Variants in SPATA18 observed in about 807,000 individuals in gnomAD.
The protein encoded by SPATA18 is spermatogenesis associated 18, also known as mitochondria-eating protein.
SPATA18 carries 54 observed loss-of-function variants against 68.1 expected under a neutral mutation model. That is an observed-to-expected ratio of 0.79 (90% CI 0.64 to 0.99). The LOEUF is 0.99. SPATA18 is among the 50% of genes least tolerant of loss of function. The pLI is 0.00. For missense variants in SPATA18, 724 were observed against 681.1 expected, an observed-to-expected ratio of 1.06 and a Z score of -0.70; for synonymous variants, 242 against 244.8, an observed-to-expected ratio of 0.99 and a Z score of 0.11.
Position 52,085,054 on chromosome 4 carries a change from T to G in SPATA18, c.1563+55T>G, listed in dbSNP as rs895124377. The G allele has an allele frequency of 9.0e-6, 13 of 1,445,444 alleles. No individual in the cohort carries two copies. The Admixed American group carries it at 1.5e-4, about 17-fold the overall frequency. The allele number at this position is 1,445,444 out of a possible 1,614,324, so 89.5% of individuals were successfully genotyped here. A position where few individuals can be genotyped will look rare whatever the true frequency, so the allele number is the denominator to read the frequency against. ...AAATTCATCTATGGTTGGCTTTTTTTTTTTTTTGCTTCAGCAATACAAAAG... is the reference window on the plus strand; with the variant it reads ...AAATTCATCTATGGTTGGCTTTTTTGTTTTTTTGCTTCAGCAATACAAAAG... On this transcript the variant is annotated intron_variant, in intron 11 of 12. Coordinates refer to ENST00000295213, the MANE Select transcript of SPATA18 (RefSeq NM_145263.4).
At chr4:52,073,417 C>T (rs1047997642) in intron 6 of SPATA18, among the ~76,000 whole-genome samples, 75 of 152,224 alleles carry the variant, frequency 4.9e-4, no homozygotes, top group African/African-American at 1.8e-3. Context: ...CAGTAGTTTA[C>T]AATATACCCA....
intron 4 of SPATA18, among the ~76,000 whole-genome samples, chr4:52,069,279 A>T (rs12500231): frequency 0.43 from 65,841 of 152,080 alleles, 16,871 homozygotes; most frequent in Non-Finnish European, 0.57. Context: ...AAACTCAGAG[A>T]ATTTGTGCTC....
Position 52,079,834 on chromosome 4 carries a change from T to C in SPATA18, c.1270T>C (p.Cys424Arg), listed in dbSNP as rs1578187049. Reference protein sequence around the residue: ...CLLSDFIQEICCIAFAMQALE... With the variant: ...CLLSDFIQEIRCIAFAMQALE... ...TCTCAGTGACTTCATCCAGGAGATA[T>C]GTTGCATTGCCTTTGCAATGCAGGC... The change falls in exon 9 of 13, where the codon TGT becomes CGT. Residue 424 changes from cysteine (C) to arginine (R), a missense_variant. By Grantham distance (180) the Cys-to-Arg change is radical. Transcript: ENST00000295213. The C allele has an allele frequency of 2.5e-6, 4 of 1,614,124 alleles. No homozygotes were observed. Among genetic ancestry groups the C allele is most frequent in the Non-Finnish European group, 3.4e-6 (4 of 1,179,958 alleles).
At chr4:52,075,136 G>T (rs1316739139) in intron 6 of SPATA18, among the ~76,000 whole-genome samples, 1 of 152,136 alleles carries the variant, frequency 6.6e-6, no homozygotes, top group African/African-American at 2.4e-5. Flanking sequence ...GGAGGGAGGG[G>T]CACTCATTTT....
At chr4:52,094,021 A>G (rs1742205753) in intron 11 of SPATA18, among the ~76,000 whole-genome samples, 1 of 152,162 alleles carries the variant, frequency 6.6e-6, no homozygotes, top group East Asian at 1.9e-4. Flanking sequence ...GAGTGTTTGA[A>G]AGCTCAGAGC....
chr4:52,089,436 A>C (rs1467978862), intron 11 of SPATA18, among the ~76,000 whole-genome samples: 1 of 152,172 alleles, frequency 6.6e-6, no homozygotes. Context: ...CTATAAATTT[A>C]TCTCTAAACA....
rs142277719 is a variant in SPATA18 at position 52,077,031 on chromosome 4, C to T, written c.1011C>T (p.Ile337=). Residue 337 remains isoleucine, a synonymous_variant, in exon 7 of 13, where the codon ATC becomes ATT. Coordinates refer to ENST00000295213, the MANE Select transcript of SPATA18 (RefSeq NM_145263.4). The stretch of plus-strand genomic sequence containing the variant: ...AGACCGTTCAGCGGATCATCTACAT[C>T]GCCACAGTGGTATGTGACGCCTGCG... ...KAETVQRIIY[I]ATVEAFHVAK... is the part of the protein sequence containing the mutation. 5 of 1,603,526 alleles carry T rather than the reference C, an allele frequency of 3.1e-6. No individual in the cohort carries two copies. The highest frequency in any genetic ancestry group is 1.7e-5 in the Admixed American group (1 of 58,512).
chr4:52,093,809 TA>T (rs1246570488), intron 11 of SPATA18, among the ~76,000 whole-genome samples: 1 of 152,216 alleles, frequency 6.6e-6, no homozygotes, highest in Non-Finnish European at 1.5e-5. Flanking sequence ...ATTTAAACTT[TA>T]GATGAGAATA....
At chr4:52,053,850 T>C (rs1738110451) in intron 1 of SPATA18, among the ~76,000 whole-genome samples, 1 of 152,200 alleles carries the variant, frequency 6.6e-6, no homozygotes, top group Non-Finnish European at 1.5e-5. Context: ...AAAGAGATGC[T>C]TCTAAATGTC....
intron 11 of SPATA18, among the ~76,000 whole-genome samples, chr4:52,092,459 G>A (rs4864925): frequency 0.49 from 74,963 of 152,058 alleles, 22,039 homozygotes; most frequent in Non-Finnish European, 0.67. Flanking sequence ...TTGGGTAGGG[G>A]GGAACATTCT....
intron 9 of SPATA18, among the ~76,000 whole-genome samples, chr4:52,080,872 C>A (rs1010537707): frequency 1.3e-5 from 2 of 152,236 alleles, no homozygotes; most frequent in African/African-American, 4.8e-5. Flanking sequence ...TTATGCCCAG[C>A]ATTCCTGAAA....
chr4:52,080,331 G>T (rs151127297), intron 9 of SPATA18, among the ~76,000 whole-genome samples: 1 of 152,104 alleles, frequency 6.6e-6, no homozygotes, highest in South Asian at 2.1e-4. Context: ...GACATTTTAT[G>T]CAGTAAGTCT....
chr4:52,087,527 CTT>C, intron 11 of SPATA18, among the ~76,000 whole-genome samples: 1 of 152,040 alleles, frequency 6.6e-6, no homozygotes, highest in East Asian at 1.9e-4. Flanking sequence ...AATAGGAAAT[CTT>C]TTTTCCCCTT....
intron 7 of SPATA18, chr4:52,078,522 C>A: frequency 2.4e-6 from 1 of 418,810 alleles, no homozygotes; most frequent in Non-Finnish European, 4.3e-6. Flanking sequence ...AGTCAACTGT[C>A]TTGATGTTAG....
In SPATA18 at chr4:52,051,609, C is replaced by A; in HGVS notation, c.-96C>A. Reference sequence around the variant, plus strand: ...CTCTGAGCCCCCCAGAAGAGAACACCCTTCCCGCCATATCACCCCACGGTC... The same window carrying A: ...CTCTGAGCCCCCCAGAAGAGAACACACTTCCCGCCATATCACCCCACGGTC... On this transcript the variant is annotated 5_prime_UTR_variant, in exon 1 of 13. Coordinates refer to ENST00000295213, the MANE Select transcript of SPATA18 (RefSeq NM_145263.4). 8.6e-7 allele frequency: 1 copy of A among 1,160,906 alleles called. No homozygotes were observed. Among genetic ancestry groups the A allele is most frequent in the Non-Finnish European group, 1.3e-6 (1 of 772,338 alleles). 71.9% of individuals were successfully genotyped at this position (1,160,906 alleles called of 1,614,324 possible).
At chr4:52,074,581 G>C (rs1740159268) in intron 6 of SPATA18, among the ~76,000 whole-genome samples, 1 of 152,158 alleles carries the variant, frequency 6.6e-6, no homozygotes, top group Admixed American at 6.5e-5. Flanking sequence ...GGAGTGCAAG[G>C]GGTGGTGTAT....
Position 52,079,744 on chromosome 4 carries a change from G to T in SPATA18, c.1180G>T (p.Asp394Tyr). The change falls in exon 9 of 13, where the codon GAT becomes TAT. Residue 394 changes from aspartate (D) to tyrosine (Y), a missense_variant and splice_region_variant. Transcript: ENST00000295213. ...AGTGATGCCATCTTTTGTTTTTCAGGATGTGATCCGAGCCATGAATGTCAA... is the reference window on the plus strand; with the variant it reads ...AGTGATGCCATCTTTTGTTTTTCAGTATGTGATCCGAGCCATGAATGTCAA... ...DLYDSQSSVN[D>Y]VIRAMNVNPK... The T allele has an allele frequency of 6.2e-7, 1 of 1,613,454 alleles. No homozygotes were observed. Among genetic ancestry groups the T allele is most frequent in the Non-Finnish European group, 8.5e-7 (1 of 1,179,700 alleles).
chr4:52,061,807 T>A (rs1037813521), intron 3 of SPATA18, among the ~76,000 whole-genome samples: 1 of 152,024 alleles, frequency 6.6e-6, no homozygotes, highest in Non-Finnish European at 1.5e-5. Flanking sequence ...CATTAAGTAA[T>A]TTTTTTTCCC....
chr4:52,061,520 T>TAATAATAATAAC (rs1207752522), intron 3 of SPATA18, among the ~76,000 whole-genome samples: 2 of 142,866 alleles, frequency 1.4e-5, no homozygotes, highest in Middle Eastern at 3.6e-3. Context: ...ATAATAATAA[T>TAATAATAATAAC]AACAGAAAGA....
Sources: gnomAD v4.1 joint callset for allele counts (sites outside exome capture counted in the v4.1 genomes callset) on GRCh38, gnomAD v4.1.1 for gene constraint, MANE v1.5 for transcripts, NCBI Gene and HGNC (gene_info 2026-07-23, HGNC 2026-07-21) for gene names.